ANAPC2: variants seen among roughly 807,000 people sequenced by gnomAD.
ANAPC2 encodes the protein anaphase-promoting complex subunit 2.
ANAPC2 carries 29 observed loss-of-function variants against 84.3 expected under a neutral mutation model. The observed-to-expected ratio is 0.34, with a 90% CI of 0.26 to 0.47. ANAPC2 has a LOEUF of 0.47. Among genes scored for constraint, ANAPC2 ranks in the 20% least tolerant of loss-of-function variants. ANAPC2 has a pLI of 1.00. For synonymous variants in ANAPC2, 571 were observed against 479.4 expected (o/e 1.19, Z -2.50); for missense variants, 857 against 1,131.7 (o/e 0.76, Z 3.48).
intron 4 of ANAPC2, 54 bp from the exon 5 acceptor site, chr9:137,183,845 AG>A: frequency 6.3e-7 from 1 of 1,596,650 alleles, no homozygotes; most frequent in Non-Finnish European, 8.6e-7. Flanking sequence ...GCGCACGTGC[AG>A]GCTGGTGCAG....
Position 137,174,854 on chromosome 9 carries a change from G to C in ANAPC2, c.*88C>G. ...GGCATGCTCCTCAGCAGTGCATTCT[G>C]GGACACGGGCGGGCGGGGGCTGGCA... On this transcript the variant is annotated 3_prime_UTR_variant, in exon 13 of 13. Coordinates refer to ENST00000323927, the MANE Select transcript of ANAPC2 (RefSeq NM_013366.4). The surrounding 1 kb of genome is among the most constrained non-coding windows in gnomAD (Gnocchi z 6.1). 1 of 1,460,680 alleles carries C rather than the reference G, an allele frequency of 6.8e-7. No homozygotes were observed. Among genetic ancestry groups the C allele is most frequent in the Non-Finnish European group, 9.0e-7 (1 of 1,106,910 alleles). The allele number at this position is 1,460,680 out of a possible 1,614,324, so 90.5% of individuals were successfully genotyped here.
Position 137,183,220 on chromosome 9 carries a change from G to C in ANAPC2, c.1191C>G (p.Ile397Met), listed in dbSNP as rs1265175944. The C allele has an allele frequency of 6.2e-7, 1 of 1,613,004 alleles. No homozygotes were observed. Residue 397 changes from isoleucine to methionine, a missense_variant, in exon 6 of 13, where the codon ATC (isoleucine) becomes ATG (methionine). Physicochemically the swap from Ile to Met is conservative, Grantham distance 10. Coordinates refer to ENST00000323927, the MANE Select transcript of ANAPC2 (RefSeq NM_013366.4). ...LHPGVNTCDI[I>M]TLYISAIKAL... is the part of the protein sequence containing the mutation. ...CCTTGATGGCAGAGATATAGAGGGT[G>C]ATGATGTCACACGTGTTGACGCCTA...
chr9:137,179,425 G>A (rs899779374), intron 10 of ANAPC2, among the ~76,000 whole-genome samples: 1 of 152,136 alleles, frequency 6.6e-6, no homozygotes, highest in Non-Finnish European at 1.5e-5. Context: ...CTGACTATGA[G>A]CTCAGGGAAA....
chr9:137,180,976 G>A, intron 7 of ANAPC2, 47 bp from the exon 8 acceptor site: 1 of 1,599,790 alleles, frequency 6.3e-7, no homozygotes, highest in Admixed American at 1.7e-5. Context: ...ACCTGGGCAA[G>A]GACAGGGCCG....
chr9:137,184,731 A>G (rs1588763850), intron 4 of ANAPC2, among the ~76,000 whole-genome samples, 182 bp downstream of exon 4: 2 of 149,552 alleles, frequency 1.3e-5, no homozygotes, highest in East Asian at 2.0e-4. Flanking sequence ...ACGCAGACAC[A>G]GGGAGCCCAG....
At position 137,174,891 on chromosome 9, in the gene ANAPC2, G is replaced by A. The variant is rs1191098986; in HGVS notation, c.*51C>T. 1.4e-6 allele frequency: 2 copies of A among 1,402,820 alleles called. No homozygotes were observed. The highest frequency in any genetic ancestry group is 1.9e-6 in the Non-Finnish European group (2 of 1,066,312). The allele number at this position is 1,402,820 out of a possible 1,614,324, so 86.9% of individuals were successfully genotyped here. A position where few individuals can be genotyped will look rare whatever the true frequency, so the allele number is the denominator to read the frequency against. Reference sequence around the variant, plus strand: ...GGCGGGGGCTGGCACGGGAGGACGAGAGCACCTGCAGGGCAGCGCCTGGCG... The same window carrying A: ...GGCGGGGGCTGGCACGGGAGGACGAAAGCACCTGCAGGGCAGCGCCTGGCG... On this transcript the variant is annotated 3_prime_UTR_variant, in exon 13 of 13. Transcript: ENST00000323927. The surrounding 1 kb of genome is among the most constrained non-coding windows in gnomAD (Gnocchi z 6.1).
intron 6 of ANAPC2, among the ~76,000 whole-genome samples, chr9:137,182,393 CAGTT>C (rs1451998369): frequency 6.6e-6 from 1 of 152,050 alleles, no homozygotes; most frequent in African/African-American, 2.4e-5. Flanking sequence ...CCTGTAGTCT[CAGTT>C]ACTCGGGAGG....
intron 6 of ANAPC2, 144 bp downstream of exon 6, chr9:137,182,981 G>A: frequency 1.5e-6 from 1 of 649,884 alleles, no homozygotes; most frequent in Non-Finnish European, 2.7e-6. Flanking sequence ...AGAGCCTCGG[G>A]CCTGATCCCG....
chr9:137,176,755 A>C (rs1834224018), intron 10 of ANAPC2: 1 of 152,232 alleles, frequency 6.6e-6, no homozygotes, highest in Non-Finnish European at 1.5e-5. Flanking sequence ...GGCAGCAGAG[A>C]GCTTGGCTGG....
chr9:137,185,836 C>A (rs1223580697), intron 3 of ANAPC2, among the ~76,000 whole-genome samples: 1 of 152,160 alleles, frequency 6.6e-6, no homozygotes, highest in Non-Finnish European at 1.5e-5. Context: ...TGCAGGCTGG[C>A]TGTAGGTCAG....
chr9:137,183,836 C>T (rs562961404), intron 4 of ANAPC2, 45 bp from the exon 5 acceptor site: 23 of 1,604,254 alleles, frequency 1.4e-5, no homozygotes, highest in African/African-American at 4.0e-5. Context: ...TGGATGCGTG[C>T]GCACGTGCAG....
chr9:137,180,665 A>G (rs1238721090), intron 8 of ANAPC2, 123 bp downstream of exon 8: 1 of 1,555,520 alleles, frequency 6.4e-7, no homozygotes. Flanking sequence ...ACCCCCAGCC[A>G]GGAGTGGGGG....
intron 12 of ANAPC2, 26 bp downstream of exon 12, chr9:137,175,211 G>C: frequency 1.9e-6 from 3 of 1,607,502 alleles, no homozygotes; most frequent in Non-Finnish European, 2.5e-6. Context: ...CCGCCCCCTG[G>C]CCCCCCGTGG....
rs11549106 is a variant in ANAPC2, at chr9:137,185,070, G to A, written c.891C>T (p.Val297=). The stretch of plus-strand genomic sequence containing the variant: ...GCAGGAACACCTTGCCGAGCCAGCC[G>A]ACCACCCGCTCGATCCACTGTCAGG... The part of the protein sequence containing the change: ...REFHKWIERV[V]GWLGKVFLQD... The change falls in exon 4 of 13, where the codon GTC becomes GTT. Residue 297 remains valine (V), a synonymous_variant. Transcript: ENST00000323927. 371,119 of 1,546,996 alleles carry A rather than the reference G, an allele frequency of 0.24. 46,948 individuals carry two copies. Among genetic ancestry groups the A allele is most frequent in the South Asian group, 0.33 (27,617 of 83,644 alleles).
chr9:137,184,654 AGACGCAGACACAGGGAG>A (rs1834420802), intron 4 of ANAPC2, among the ~76,000 whole-genome samples: 3 of 98,748 alleles, frequency 3.0e-5, no homozygotes, highest in Non-Finnish European at 8.1e-5. Flanking sequence ...CAGGGAGCCC[AGACGCAGACACAGGGAG>A]CCCAGACGCA....
chr9:137,187,452 G>A (rs202033212), intron 2 of ANAPC2, 29 bp downstream of exon 2: 203 of 1,583,872 alleles, frequency 1.3e-4, no homozygotes, highest in Admixed American at 1.2e-3. Context: ...GAAGGAGCAA[G>A]GGCATGGCCA....
intron 10 of ANAPC2, chr9:137,176,119 T>A: frequency 2.7e-6 from 1 of 365,250 alleles, no homozygotes; most frequent in African/African-American, 2.1e-5. Flanking sequence ...GCAAACAGGG[T>A]TGATGCAGAT....
rs868553428 is a variant in ANAPC2 at position 137,175,335 on chromosome 9, G to A, written c.2158C>T (p.Arg720Trp). 4 of 1,612,528 alleles carry A rather than the reference G, an allele frequency of 2.5e-6. No individual in the cohort carries two copies. The highest frequency in any genetic ancestry group is 4.5e-5 in the East Asian group (2 of 44,874). Residue 720 changes from arginine to tryptophan, a missense_variant, in exon 12 of 13, where the codon CGG (arginine) becomes TGG (tryptophan). Coordinates refer to ENST00000323927, the MANE Select transcript of ANAPC2 (RefSeq NM_013366.4). ...ACCATGTTGTCCCGGTCCTGAGGCC[G>A]CTCCTCCTCAATGACAGAGAAGGTG... ...PGTFSVIEEE[R>W]PQDRDNMVLI...
At chr9:137,176,238 G>T (rs569829123) in intron 10 of ANAPC2, 97 of 159,090 alleles carry the variant, frequency 6.1e-4, no homozygotes, top group African/African-American at 2.8e-3. Flanking sequence ...GAGACCACCT[G>T]GAGCAACGCG....
Sources: gnomAD v4.1 joint callset for allele counts (sites outside exome capture counted in the v4.1 genomes callset) on GRCh38, gnomAD v4.1.1 for gene constraint, Gnocchi (gnomAD v3.1) non-coding constraint, MANE v1.5 for transcripts, NCBI Gene and HGNC (gene_info 2026-07-23, HGNC 2026-07-21) for gene names.